Variants in ATP11A observed in about 807,000 individuals in gnomAD.
ATP11A encodes ATPase phospholipid transporting 11A.
Under a neutral mutation model 154.4 loss-of-function variants are expected in ATP11A, and 81 were observed. That is an observed-to-expected ratio of 0.52 (90% CI 0.44 to 0.63). The LOEUF (loss-of-function observed/expected upper bound fraction) is 0.63, where lower values mean the gene tolerates loss of function less well. Among genes scored for constraint, ATP11A ranks in the 30% least tolerant of loss-of-function variants. ATP11A has a pLI of 0.00. For synonymous variants in ATP11A, 623 were observed against 585.9 expected (o/e 1.06, Z -0.91); for missense variants, 1,316 against 1,474.3 (o/e 0.89, Z 1.76).
At chr13:112,721,355 G>C (rs565271149) in intron 1 of ATP11A, among the ~76,000 whole-genome samples, 2 of 152,322 alleles carry the variant, frequency 1.3e-5, no homozygotes, top group East Asian at 3.9e-4. Flanking sequence ...CAGGAAGGAA[G>C]GCTGAAAAGA....
intron 28 of ATP11A, 159 bp downstream of exon 28, chr13:112,876,100 C>T: frequency 7.2e-6 from 5 of 691,132 alleles, no homozygotes; most frequent in East Asian, 3.0e-5. Flanking sequence ...TGATGTTAAA[C>T]ATCAGGTACA....
At chr13:112,702,769 TG>T (rs746506932) in intron 1 of ATP11A, among the ~76,000 whole-genome samples, 5 of 152,256 alleles carry the variant, frequency 3.3e-5, no homozygotes, top group South Asian at 2.1e-4. Context: ...CTGAGGGCTT[TG>T]CTTGAAGAGC....
intron 11 of ATP11A, among the ~76,000 whole-genome samples, 168 bp from the exon 12 acceptor site, chr13:112,826,526 C>G (rs777811018): frequency 1.2e-4 from 18 of 151,460 alleles, no homozygotes; most frequent in Non-Finnish European, 2.5e-4. Context: ...GACCAGGTGA[C>G]CCAGTGGCTG....
At chr13:112,694,004 C>T (rs1885503308) in intron 1 of ATP11A, among the ~76,000 whole-genome samples, 1 of 152,154 alleles carries the variant, frequency 6.6e-6, no homozygotes. Flanking sequence ...GTTCCATTTC[C>T]TCTTCAGAGC....
rs147290590 is a variant in ATP11A, at chr13:112,879,038, G to A, written c.*9+735G>A. Reference sequence around the variant, plus strand: ...AGGCGTTCACACGCCATTTTTCTGCGGTGGTGTCCATGATAAGAGCCGAGA... The same window carrying A: ...AGGCGTTCACACGCCATTTTTCTGCAGTGGTGTCCATGATAAGAGCCGAGA... On this transcript the variant is annotated intron_variant, in intron 29 of 29. Transcript: ENST00000375645. 3.7e-4 allele frequency among the ~76,000 whole-genome samples: 56 copies of A among 152,360 alleles called. No individual in the cohort carries two copies. The South Asian group carries it at 5.2e-3, about 14-fold the overall frequency.
intron 25 of ATP11A, among the ~76,000 whole-genome samples, chr13:112,868,065 C>A (rs2080395115): frequency 6.6e-6 from 1 of 152,218 alleles, no homozygotes; most frequent in African/African-American, 2.4e-5. Flanking sequence ...GCACTGACAT[C>A]GTAAGCCATA....
rs142958744 is a variant in ATP11A, at chr13:112,800,398, T to A, written c.163-4559T>A. 9.3e-4 allele frequency among the ~76,000 whole-genome samples: 141 copies of A among 152,232 alleles called. 1 individual carries two copies. Among genetic ancestry groups the A allele is most frequent in the African/African-American group, 1.8e-3 (74 of 41,544 alleles). ...ACACCCATAAACTTGGTAACTTAGA[T>A]AACATTGGCCAGTTTCTTGAAAAAC... On this transcript the variant is annotated intron_variant, in intron 2 of 29. Transcript: ENST00000375645.
chr13:112,766,265 C>T (rs2077074682), intron 1 of ATP11A, among the ~76,000 whole-genome samples: 1 of 152,164 alleles, frequency 6.6e-6, no homozygotes, highest in Non-Finnish European at 1.5e-5. Flanking sequence ...TTGTTTTAGG[C>T]TTTTAGCAGC....
At chr13:112,837,283 C>T (rs1284332542) in intron 16 of ATP11A, among the ~76,000 whole-genome samples, 1 of 152,230 alleles carries the variant, frequency 6.6e-6, no homozygotes. Flanking sequence ...CCTTGTTCCC[C>T]GCTTCCTGCC....
intron 5 of ATP11A, 115 bp from the exon 6 acceptor site, chr13:112,815,968 C>A: frequency 7.0e-6 from 10 of 1,422,424 alleles, no homozygotes; most frequent in Non-Finnish European, 9.7e-6. Context: ...ACCGTGTCCA[C>A]ATCCCCGTGT....
At chr13:112,790,495 G>A (rs972866401) in intron 2 of ATP11A, among the ~76,000 whole-genome samples, 1 of 145,970 alleles carries the variant, frequency 6.9e-6, no homozygotes, top group Admixed American at 6.7e-5. Flanking sequence ...ATTCACACCG[G>A]GTGTCCTGAT....
chr13:112,794,652 G>A (rs548719360), intron 2 of ATP11A, among the ~76,000 whole-genome samples: 7 of 152,194 alleles, frequency 4.6e-5, no homozygotes, highest in East Asian at 1.9e-4. Context: ...GGCGGATCAC[G>A]AGGTCAGGAG....
chr13:112,707,623 G>A (rs562710763), intron 1 of ATP11A, among the ~76,000 whole-genome samples: 1 of 152,086 alleles, frequency 6.6e-6, no homozygotes, highest in Non-Finnish European at 1.5e-5. Context: ...AAATTAAAAA[G>A]GTGAAAAAGC....
intron 1 of ATP11A, among the ~76,000 whole-genome samples, chr13:112,772,352 T>C (rs1385731009): frequency 2.0e-5 from 3 of 152,174 alleles, no homozygotes; most frequent in Non-Finnish European, 2.9e-5. Flanking sequence ...GGTGGGGCCA[T>C]GTGGCTGGAA....
intron 14 of ATP11A, among the ~76,000 whole-genome samples, chr13:112,833,355 C>T (rs561754249): frequency 6.6e-6 from 1 of 152,324 alleles, no homozygotes; most frequent in African/African-American, 2.4e-5. Context: ...TAACACAAAT[C>T]TCCCTCCTGC....
chr13:112,867,422 TGGA>T (rs2080371835), intron 25 of ATP11A, among the ~76,000 whole-genome samples: 2 of 152,160 alleles, frequency 1.3e-5, no homozygotes, highest in Non-Finnish European at 2.9e-5. Context: ...CCCCCGGAGA[TGGA>T]CTTCAGGGGC....
intron 14 of ATP11A, among the ~76,000 whole-genome samples, chr13:112,833,508 A>G (rs1392343316): frequency 1.3e-5 from 2 of 152,112 alleles, no homozygotes; most frequent in Non-Finnish European, 2.9e-5. Flanking sequence ...TTCCAGATAC[A>G]TGGCATAATT....
chr13:112,872,813 G>T (rs201018298), intron 26 of ATP11A, among the ~76,000 whole-genome samples: 1 of 152,208 alleles, frequency 6.6e-6, no homozygotes, highest in African/African-American at 2.4e-5. Flanking sequence ...TGTGAGGTGT[G>T]GCTTTGTCTT....
intron 1 of ATP11A, among the ~76,000 whole-genome samples, chr13:112,784,871 G>A (rs578241194): frequency 5.3e-5 from 8 of 152,318 alleles, no homozygotes; most frequent in Non-Finnish European, 7.4e-5. Context: ...CTGGCAGTCA[G>A]CTTTGAAGTT....
Sources: allele counts gnomAD v4.1 joint callset (sites outside exome capture counted in the v4.1 genomes callset), GRCh38; gene constraint gnomAD v4.1.1; transcripts MANE v1.5; gene names NCBI Gene and HGNC (gene_info 2026-07-23, HGNC 2026-07-21).